Variants in GALNT18 observed in about 807,000 individuals in gnomAD.
The protein encoded by GALNT18 is GalNAc-transferase 18.
Under a neutral mutation model 69.5 loss-of-function variants are expected in GALNT18, and 44 were observed. That is an observed-to-expected ratio of 0.63 (90% CI 0.50 to 0.81). The LOEUF is 0.81. GALNT18 is among the 40% of genes least tolerant of loss of function. GALNT18 has a pLI of 0.00. For missense variants in GALNT18, 715 were observed against 810.0 expected (o/e 0.88, Z 1.42); for synonymous variants, 364 against 318.2 (o/e 1.14, Z -1.53).
intron 10 of GALNT18, among the ~76,000 whole-genome samples, chr11:11,274,500 G>A (rs1848896154): frequency 6.6e-6 from 1 of 152,190 alleles, no homozygotes; most frequent in African/African-American, 2.4e-5. Flanking sequence ...GCTCAAGCTT[G>A]GTTGGGTGAG....
At chr11:11,275,958 A>G (rs1848936653) in intron 10 of GALNT18, among the ~76,000 whole-genome samples, 1 of 152,202 alleles carries the variant, frequency 6.6e-6, no homozygotes, top group African/African-American at 2.4e-5. Context: ...GTTTGAAGTT[A>G]GGTAGCCTGA....
rs1016868683 is a variant in GALNT18, at chr11:11,356,805, C to T, written c.1092+15710G>A. Among the ~76,000 whole-genome samples, 11 of 152,180 alleles carry T rather than the reference C, an allele frequency of 7.2e-5. No individual in the cohort carries two copies. The highest frequency in any genetic ancestry group is 4.4e-5 in the Non-Finnish European group (3 of 68,032). On this transcript the variant is annotated intron_variant, in intron 6 of 10. Transcript: ENST00000227756. This position sits in a 1 kb window ranked among gnomAD's most constrained non-coding sequence, Gnocchi z 4.4. Reference sequence around the variant, plus strand: ...GTTCTTGGGCACTCTCCTTCTGCTCCCCACCATTTCTAGCTAATCACTTCA... The same window carrying T: ...GTTCTTGGGCACTCTCCTTCTGCTCTCCACCATTTCTAGCTAATCACTTCA...
intron 1 of GALNT18, among the ~76,000 whole-genome samples, chr11:11,489,883 G>T (rs1856726150): frequency 6.6e-6 from 1 of 152,100 alleles, no homozygotes; most frequent in Non-Finnish European, 1.5e-5. Flanking sequence ...AGCCAACGGT[G>T]GTCAGAGCTG....
Position 11,517,441 on chromosome 11 carries a change from A to C in GALNT18, c.236-68505T>G, listed in dbSNP as rs552029450. ...TTCTTCCTCCTGGGAAAAAATAAAG[A>C]GGGGGAAGAAAGAGGATGCATAGCA... is the stretch of plus-strand genomic sequence containing the variant. On this transcript the variant is annotated intron_variant, in intron 1 of 10. Transcript: ENST00000227756. Among the ~76,000 whole-genome samples, 28 of 152,318 alleles carry C rather than the reference A, an allele frequency of 1.8e-4. No homozygotes were observed. In the East Asian group the frequency reaches 4.0e-3, roughly 22 times the overall value.
chr11:11,274,280 G>C (rs1428593010), intron 10 of GALNT18, among the ~76,000 whole-genome samples: 1 of 152,024 alleles, frequency 6.6e-6, no homozygotes, highest in African/African-American at 2.4e-5. Context: ...GCTAGCTGCA[G>C]GAGTTTTTGT....
chr11:11,447,605 G>A (rs1286388869), intron 2 of GALNT18, among the ~76,000 whole-genome samples: 2 of 152,156 alleles, frequency 1.3e-5, no homozygotes, highest in African/African-American at 4.8e-5. Context: ...CTGCATGGCT[G>A]GGGAGGCCTC....
In GALNT18 at chr11:11,435,820, C is replaced by T. The variant is rs986799093; in HGVS notation, c.429-3033G>A. Among the ~76,000 whole-genome samples, 16 of 152,212 alleles carry T rather than the reference C, an allele frequency of 1.1e-4. No homozygotes were observed. The highest frequency in any genetic ancestry group is 5.9e-4 in the Admixed American group (9 of 15,282). The stretch of plus-strand genomic sequence containing the variant: ...CCGCCGACCAGCAGGCTCCTGTTCT[C>T]CCATCCTCCCTCCTCTTGCGTGAAT... On this transcript the variant is annotated intron_variant, in intron 2 of 10. Coordinates refer to ENST00000227756, the MANE Select transcript of GALNT18 (RefSeq NM_198516.3). This position sits in a 1 kb window ranked among gnomAD's most constrained non-coding sequence, Gnocchi z 4.4.
At chr11:11,303,397 T>C (rs1340448025) in intron 9 of GALNT18, among the ~76,000 whole-genome samples, 2 of 152,212 alleles carry the variant, frequency 1.3e-5, no homozygotes, top group African/African-American at 4.8e-5. Context: ...ATGTTTCCAC[T>C]GCCTTACTAA....
chr11:11,534,614 C>A (rs548872741), intron 1 of GALNT18, among the ~76,000 whole-genome samples: 1 of 152,226 alleles, frequency 6.6e-6, no homozygotes, highest in African/African-American at 2.4e-5. Flanking sequence ...TTGCCCAAGA[C>A]GTCAGATTAC....
chr11:11,463,838 CTG>C lies in GALNT18; in HGVS notation c.236-14904_236-14903del, dbSNP rs1437017396. Among the ~76,000 whole-genome samples, 1 of 152,188 alleles carries C rather than the reference CTG, an allele frequency of 6.6e-6. No individual in the cohort carries two copies. Among genetic ancestry groups the C allele is most frequent in the African/African-American group, 2.4e-5 (1 of 41,442 alleles). ...ACATGAAAGATGTGAAACCTTTATG[CTG>C]TCTCGACGCTCTGTATTATGAATGC... On this transcript the variant is annotated intron_variant, in intron 1 of 10. Coordinates refer to ENST00000227756, the MANE Select transcript of GALNT18 (RefSeq NM_198516.3). This position sits in a 1 kb window ranked among gnomAD's most constrained non-coding sequence, Gnocchi z 4.2.
chr11:11,514,119 AC>A (rs917623121), intron 1 of GALNT18, among the ~76,000 whole-genome samples: 1 of 152,204 alleles, frequency 6.6e-6, no homozygotes, highest in Non-Finnish European at 1.5e-5. Context: ...AGAAACTTGG[AC>A]CCAAACCCAT....
intron 1 of GALNT18, among the ~76,000 whole-genome samples, chr11:11,489,287 G>A (rs1856710419): frequency 6.6e-6 from 1 of 152,208 alleles, no homozygotes; most frequent in Non-Finnish European, 1.5e-5. Context: ...CAAACTGATA[G>A]CTGAGAGATG....
At chr11:11,445,729 C>T (rs1855634007) in intron 2 of GALNT18, among the ~76,000 whole-genome samples, 1 of 152,190 alleles carries the variant, frequency 6.6e-6, no homozygotes, top group Admixed American at 6.5e-5. Flanking sequence ...GGAGGCTCTG[C>T]TCTGCCTTTT....
At chr11:11,294,950 T>C (rs1307677724) in intron 9 of GALNT18, among the ~76,000 whole-genome samples, 1 of 152,212 alleles carries the variant, frequency 6.6e-6, no homozygotes, top group African/African-American at 2.4e-5. Flanking sequence ...ATATTCAGGG[T>C]GTTCTCTCTG....
intron 5 of GALNT18, among the ~76,000 whole-genome samples, chr11:11,374,920 A>AG (rs1853705377): frequency 6.6e-6 from 1 of 152,216 alleles, no homozygotes; most frequent in Non-Finnish European, 1.5e-5. Flanking sequence ...ATGAACACAC[A>AG]TGGTCTTAGA....
At chr11:11,549,268 A>G (rs993460471) in intron 1 of GALNT18, among the ~76,000 whole-genome samples, 3 of 152,254 alleles carry the variant, frequency 2.0e-5, no homozygotes, top group African/African-American at 7.2e-5. Context: ...GAGCTAGACC[A>G]GTCCCAGACT....
At chr11:11,376,318 G>A (rs372174598) in intron 5 of GALNT18, among the ~76,000 whole-genome samples, 89 of 152,266 alleles carry the variant, frequency 5.8e-4, no homozygotes, top group African/African-American at 2.1e-3. Flanking sequence ...GGGGCCAGAG[G>A]TTTCATTGAG....
intron 1 of GALNT18, among the ~76,000 whole-genome samples, chr11:11,534,161 C>T (rs942648374): frequency 6.6e-6 from 1 of 152,202 alleles, no homozygotes; most frequent in East Asian, 1.9e-4. Flanking sequence ...CTTTGGTGTC[C>T]AGGCCCTTAG....
chr11:11,615,103 T>C (rs1249953163), intron 1 of GALNT18, among the ~76,000 whole-genome samples: 1 of 152,188 alleles, frequency 6.6e-6, no homozygotes, highest in East Asian at 1.9e-4. Context: ...GACAAATAGC[T>C]TTACTATTTA....
Sources: gnomAD v4.1 joint callset for allele counts (sites outside exome capture counted in the v4.1 genomes callset) on GRCh38, gnomAD v4.1.1 for gene constraint, Gnocchi (gnomAD v3.1) non-coding constraint, MANE v1.5 for transcripts, NCBI Gene and HGNC (gene_info 2026-07-23, HGNC 2026-07-21) for gene names.